The following RCN1 variants were observed in gnomAD, a reference collection of about 807,000 sequenced individuals.
RCN1 encodes reticulocalbin 1, also known as reticulocalbin-1.
A neutral mutation model predicts 34.7 loss-of-function variants in RCN1; 14 were observed. The observed-to-expected ratio is 0.40, with a 90% CI of 0.27 to 0.63. RCN1 has a LOEUF of 0.63. Ranked by LOEUF, RCN1 falls within the 30% of genes least tolerant of loss-of-function variation. The probability of loss-of-function intolerance (pLI) is 0.37; values close to 1 mark genes in which losing one functional copy is unlikely to be tolerated. For synonymous variants in RCN1, 125 were observed against 165.5 expected (o/e 0.76, Z 1.88); for missense variants, 326 against 425.1 (o/e 0.77, Z 2.05).
In RCN1 at chr11:32,091,357, A is replaced by G. The variant is rs1329030970; in HGVS notation, c.161A>G (p.Gln54Arg). 1.3e-6 allele frequency: 2 copies of G among 1,549,474 alleles called. No homozygotes were observed. Among genetic ancestry groups the G allele is most frequent in the Non-Finnish European group, 8.7e-7 (1 of 1,146,414 alleles). The change falls in exon 1 of 6, where the codon CAG (glutamine) becomes CGG (arginine). Residue 54 changes from glutamine to arginine, a missense_variant. By Grantham distance (43) the Gln-to-Arg change is conservative. Transcript: ENST00000054950. ...GGCGAGCGGCCCCCTGAGGACAACC[A>G]GAGCTTCCAGTACGACCACGAGGCC... is the stretch of plus-strand genomic sequence containing the variant. The part of the protein sequence containing the change: ...ELGERPPEDN[Q>R]SFQYDHEAFL...
rs144673228 is a variant in RCN1, at chr11:32,104,384, A to C, written c.908A>C (p.Glu303Ala). The change falls in exon 6 of 6, where the codon GAG becomes GCG. Residue 303 changes from glutamate to alanine, a missense_variant. Physicochemically the swap from Glu to Ala is moderately radical, Grantham distance 107. Transcript: ENST00000054950. ...CTATAGGATGAGAAGCTAACTAAAG[A>C]GGAAATATTGGAGAACTGGAACATG... ...DKNKDEKLTKEEILENWNMFV... is the reference protein window; with the variant it reads ...DKNKDEKLTKAEILENWNMFV... 3.8e-4 allele frequency: 603 copies of C among 1,574,808 alleles called. 3 individuals are homozygous for C. In the African/African-American group the frequency reaches 7.3e-3, roughly 19 times the overall value.
At chr11:32,101,109 A>G (rs1418061774) in intron 4 of RCN1, among the ~76,000 whole-genome samples, 2 of 152,326 alleles carry the variant, frequency 1.3e-5, no homozygotes, top group Non-Finnish European at 1.5e-5. Context: ...AGAGTGCACA[A>G]TTGCCCAATA....
At chr11:32,091,962 G>C (rs1365607774) in intron 1 of RCN1, among the ~76,000 whole-genome samples, 1 of 152,186 alleles carries the variant, frequency 6.6e-6, no homozygotes, top group Non-Finnish European at 1.5e-5. Flanking sequence ...CCTGGTCTCG[G>C]CCGCAGTGGT....
At chr11:32,103,182 G>A (rs756572175) in intron 4 of RCN1, 99 bp from the exon 5 acceptor site, 14 of 1,035,004 alleles carry the variant, frequency 1.4e-5, no homozygotes, top group South Asian at 9.9e-5. Flanking sequence ...ATTGGTTGTC[G>A]CCTTTCCTAA....
intron 1 of RCN1, chr11:32,091,711 A>G (rs1435133912): frequency 1.5e-5 from 7 of 478,410 alleles, no homozygotes; most frequent in Non-Finnish European, 2.2e-5. Flanking sequence ...CGGCCGCGGG[A>G]GCCAGGACGG....
chr11:32,103,117 A>AC, intron 4 of RCN1, 164 bp from the exon 5 acceptor site: 1 of 679,534 alleles, frequency 1.5e-6, no homozygotes, highest in Non-Finnish European at 2.7e-6. Context: ...TGAATAAATT[A>AC]CTGCATCATT....
At chr11:32,100,667 A>T in intron 4 of RCN1, 59 bp downstream of exon 4, 4 of 1,377,402 alleles carry the variant, frequency 2.9e-6, no homozygotes, top group Non-Finnish European at 4.1e-6. Flanking sequence ...GACCCCACCC[A>T]CACGTCTGGC....
At chr11:32,097,411 TATC>T (rs1851985620) in intron 2 of RCN1, 74 bp downstream of exon 2, 1 of 1,089,876 alleles carries the variant, frequency 9.2e-7, no homozygotes, top group African/African-American at 1.6e-5. Flanking sequence ...TCTCTTCTCT[TATC>T]ATATCCACTC....
Position 32,097,331 on chromosome 11 carries a change from T to C in RCN1, c.442T>C (p.Tyr148His). ...EEYKQATYGY[Y>H]LGNPAEFHDS... is the part of the protein sequence containing the mutation. ...ATACAAACAAGCCACCTATGGTTAC[T>C]ACCTAGGTAAGAGGTGCTGCAGGAG... The change falls in exon 2 of 6, where the codon TAC (tyrosine) becomes CAC (histidine). Residue 148 changes from tyrosine (Y) to histidine (H), a missense_variant. Coordinates refer to ENST00000054950, the MANE Select transcript of RCN1 (RefSeq NM_002901.4). 1 of 1,556,188 alleles carries C rather than the reference T, an allele frequency of 6.4e-7. No individual in the cohort carries two copies.
intron 1 of RCN1, among the ~76,000 whole-genome samples, chr11:32,095,215 C>G (rs1313596433): frequency 6.6e-6 from 1 of 151,644 alleles, no homozygotes; most frequent in Non-Finnish European, 1.5e-5. Flanking sequence ...GGGGAAGAAG[C>G]CTGAAGACAC....
chr11:32,091,676 T>G, intron 1 of RCN1: 7 of 527,724 alleles, frequency 1.3e-5, no homozygotes, highest in East Asian at 3.8e-5. Context: ...GGGTGGTTTC[T>G]CGCGGGGAGG....
At chr11:32,104,344 G>A in intron 5 of RCN1, 21 bp from the exon 6 acceptor site, 5 of 1,416,680 alleles carry the variant, frequency 3.5e-6, no homozygotes, top group Non-Finnish European at 5.0e-6. Flanking sequence ...CCATGACAGT[G>A]CTCTTTGATC....
At chr11:32,103,240 T>G (rs1458679533) in intron 4 of RCN1, 41 bp from the exon 5 acceptor site, 1 of 1,581,352 alleles carries the variant, frequency 6.3e-7, no homozygotes, top group Admixed American at 1.7e-5. Context: ...AGGTTTACCT[T>G]CCCACTTTCC....
chr11:32,103,092 A>C (rs767842346), intron 4 of RCN1, 189 bp from the exon 5 acceptor site: 21 of 672,700 alleles, frequency 3.1e-5, no homozygotes, highest in South Asian at 2.8e-4. Flanking sequence ...CTACTCCACC[A>C]CATGGCCTTC....
chr11:32,096,614 A>AAC (rs35164618), intron 1 of RCN1: 6,312 of 151,596 alleles, frequency 0.042, 202 homozygotes, highest in South Asian at 0.16. Context: ...AAAAAAAAAA[A>AAC]TCACTTATCT....
At position 32,103,401 on chromosome 11, in the gene RCN1, G is replaced by T; in HGVS notation, c.809G>T (p.Arg270Leu). 2 of 1,613,582 alleles carry T rather than the reference G, an allele frequency of 1.2e-6. No individual in the cohort carries two copies. ...KDGKLDKDEI[R>L]HWILPQDYDH... ...GGGAAGTTAGACAAAGATGAGATTCGCCACTGGATCCTCCCTCAAGATTAT... is the reference window on the plus strand; with the variant it reads ...GGGAAGTTAGACAAAGATGAGATTCTCCACTGGATCCTCCCTCAAGATTAT... Residue 270 changes from arginine to leucine, a missense_variant, in exon 5 of 6, where the codon CGC becomes CTC. Arg to Leu is a moderately radical substitution (Grantham distance 102, BLOSUM62 -2). Coordinates refer to ENST00000054950, the MANE Select transcript of RCN1 (RefSeq NM_002901.4).
chr11:32,101,659 CAGACA>C (rs1852044749), intron 4 of RCN1, among the ~76,000 whole-genome samples: 1 of 152,138 alleles, frequency 6.6e-6, no homozygotes, highest in Admixed American at 6.5e-5. Flanking sequence ...TCATTGGTAA[CAGACA>C]AGGTAGCTCT....
chr11:32,100,533 C>T lies in RCN1; in HGVS notation c.628-15C>T, dbSNP rs755310124. 11 of 1,611,540 alleles carry T rather than the reference C, an allele frequency of 6.8e-6. No individual in the cohort carries two copies. The highest frequency in any genetic ancestry group is 9.3e-6 in the Non-Finnish European group (11 of 1,177,868). ...CATGGCCATCTTGCATTCTGTTTTA[C>T]CTTTTGCTTCCTAGGAAACCCTGGA... On this transcript the variant is annotated splice_polypyrimidine_tract_variant and intron_variant, in intron 3 of 5. Coordinates refer to ENST00000054950, the MANE Select transcript of RCN1 (RefSeq NM_002901.4).
At chr11:32,098,604 GAGA>G (rs1590218968) in intron 3 of RCN1, 76 bp downstream of exon 3, 4 of 1,222,194 alleles carry the variant, frequency 3.3e-6, no homozygotes, top group African/African-American at 3.1e-5. Flanking sequence ...CTTCCAAAGA[GAGA>G]AGATTTTTCA....
Sources: allele counts gnomAD v4.1 joint callset (sites outside exome capture counted in the v4.1 genomes callset), GRCh38; gene constraint gnomAD v4.1.1; transcripts MANE v1.5; gene names NCBI Gene and HGNC (gene_info 2026-07-23, HGNC 2026-07-21).